GRM8: variants seen among roughly 807,000 people sequenced by gnomAD.
The protein encoded by GRM8 is metabotropic glutamate receptor 8.
In GRM8, 47 loss-of-function variants were observed where a neutral mutation model predicts 87.2. The ratio of observed to expected loss-of-function variants is 0.54; its 90% CI spans 0.43 to 0.69. The LOEUF is 0.69. GRM8 is among the 30% of genes least tolerant of loss of function. The pLI, the probability that GRM8 is intolerant of heterozygous loss-of-function variation, is 0.00. For synonymous variants in GRM8, 396 were observed against 404.5 expected (o/e 0.98, Z 0.25); for missense variants, 1,019 against 1,139.2 (o/e 0.89, Z 1.52).
chr7:126,921,644 T>A (rs1339674938), intron 3 of GRM8, among the ~76,000 whole-genome samples: 1 of 152,058 alleles, frequency 6.6e-6, no homozygotes, highest in African/African-American at 2.4e-5. Context: ...TAATGTGAAG[T>A]CAGAAGAAAA....
chr7:126,523,497 A>G (rs1813315338), intron 9 of GRM8, among the ~76,000 whole-genome samples: 1 of 149,360 alleles, frequency 6.7e-6, no homozygotes, highest in South Asian at 2.1e-4. Context: ...CAGACCTCTC[A>G]ATTTTTTTTT....
Position 127,240,261 on chromosome 7 carries a change from AC to A in GRM8, c.510+2433del, listed in dbSNP as rs78119581. On this transcript the variant is annotated intron_variant, in intron 2 of 10. Coordinates refer to ENST00000339582, the MANE Select transcript of GRM8 (RefSeq NM_000845.3). The stretch of plus-strand genomic sequence containing the variant: ...GATCCCCGCTGCATAAAAACAAAAC[AC>A]CCTCTTGCCTTCAGGTGGCCTGGAG... Among the ~76,000 whole-genome samples, 973 of 151,896 alleles carry A rather than the reference AC, an allele frequency of 6.4e-3. 9 individuals carry two copies. Among genetic ancestry groups the A allele is most frequent in the African/African-American group, 0.023 (932 of 41,388 alleles).
intron 9 of GRM8, among the ~76,000 whole-genome samples, chr7:126,450,981 T>C (rs1316978115): frequency 6.6e-6 from 1 of 151,874 alleles, no homozygotes; most frequent in Non-Finnish European, 1.5e-5. Context: ...GACCCTGTAA[T>C]AGAAGGGCCC....
chr7:127,157,616 A>G (rs973805107), intron 2 of GRM8, among the ~76,000 whole-genome samples: 1 of 152,170 alleles, frequency 6.6e-6, no homozygotes, highest in Non-Finnish European at 1.5e-5. Flanking sequence ...ATTTTGAAGA[A>G]CCACAGCCAA....
intron 2 of GRM8, among the ~76,000 whole-genome samples, chr7:127,197,982 A>C (rs1795381129): frequency 6.6e-6 from 1 of 151,952 alleles, no homozygotes; most frequent in South Asian, 2.1e-4. Flanking sequence ...CTAGATGTGG[A>C]ATCAAAAAAA....
chr7:126,771,922 G>A (rs943911271), intron 6 of GRM8, among the ~76,000 whole-genome samples: 3 of 151,996 alleles, frequency 2.0e-5, no homozygotes, highest in Admixed American at 6.6e-5. Flanking sequence ...ACAAGACATG[G>A]GGACTATGTT....
chr7:126,617,357 G>A (rs1799615101), intron 7 of GRM8, among the ~76,000 whole-genome samples: 1 of 152,148 alleles, frequency 6.6e-6, no homozygotes, highest in African/African-American at 2.4e-5. Context: ...CAGTAAATTA[G>A]GTATTGATGG....
At chr7:126,847,884 C>A (rs908186323) in intron 6 of GRM8, among the ~76,000 whole-genome samples, 1 of 152,222 alleles carries the variant, frequency 6.6e-6, no homozygotes, top group Non-Finnish European at 1.5e-5. Context: ...ACTTTGGGAA[C>A]TAAAATCTGC....
chr7:126,697,428 A>T (rs1178534521), intron 7 of GRM8, among the ~76,000 whole-genome samples: 1 of 152,146 alleles, frequency 6.6e-6, no homozygotes, highest in Non-Finnish European at 1.5e-5. Context: ...GAAGGTAATT[A>T]CGTGACATGA....
intron 6 of GRM8, among the ~76,000 whole-genome samples, chr7:126,876,192 C>T (rs1799512655): frequency 6.6e-6 from 1 of 152,164 alleles, no homozygotes; most frequent in Non-Finnish European, 1.5e-5. Context: ...TGTCTCCTCT[C>T]CCAGAACAAT....
intron 6 of GRM8, among the ~76,000 whole-genome samples, chr7:126,793,007 A>C (rs2151680878): frequency 6.6e-6 from 1 of 152,308 alleles, no homozygotes; most frequent in Admixed American, 6.5e-5. Context: ...AAACTGCAGA[A>C]CACTCTTTTA....
chr7:126,569,300 G>A (rs1405628618), intron 8 of GRM8, among the ~76,000 whole-genome samples: 1 of 152,068 alleles, frequency 6.6e-6, no homozygotes, highest in African/African-American at 2.4e-5. Flanking sequence ...TTAAAATGAA[G>A]CTGGCAAAAG....
intron 9 of GRM8, among the ~76,000 whole-genome samples, chr7:126,509,737 T>C (rs1174760246): frequency 6.6e-6 from 1 of 151,972 alleles, no homozygotes; most frequent in Non-Finnish European, 1.5e-5. Flanking sequence ...ATCAGGACCA[T>C]CTGATTGCAC....
intron 6 of GRM8, among the ~76,000 whole-genome samples, chr7:126,773,900 T>A (rs938052227): frequency 5.3e-5 from 8 of 152,270 alleles, no homozygotes; most frequent in African/African-American, 1.9e-4. Flanking sequence ...ATACACATAA[T>A]CTTATTAAAG....
chr7:126,723,308 G>A (rs548103228), intron 7 of GRM8, among the ~76,000 whole-genome samples: 68 of 152,074 alleles, frequency 4.5e-4, no homozygotes, highest in African/African-American at 1.6e-3. Context: ...CCTATATTTA[G>A]AAATTATGTC....
chr7:127,241,711 A>G (rs1262821776), intron 2 of GRM8, among the ~76,000 whole-genome samples: 1 of 152,214 alleles, frequency 6.6e-6, no homozygotes, highest in East Asian at 1.9e-4. Flanking sequence ...CTGGGATTAC[A>G]GGCGTGAGCC....
chr7:126,972,418 A>AT (rs1478095874), intron 3 of GRM8, among the ~76,000 whole-genome samples: 1 of 152,052 alleles, frequency 6.6e-6, no homozygotes, highest in Non-Finnish European at 1.5e-5. Context: ...TTGGTATATT[A>AT]TTTTTTACAC....
chr7:126,736,885 C>G (rs1352038175), intron 7 of GRM8, among the ~76,000 whole-genome samples: 1 of 152,010 alleles, frequency 6.6e-6, no homozygotes, highest in Non-Finnish European at 1.5e-5. Flanking sequence ...CTAATGATAA[C>G]CTTGAAACCA....
chr7:126,640,875 C>T (rs1585326850), intron 7 of GRM8, among the ~76,000 whole-genome samples: 1 of 151,718 alleles, frequency 6.6e-6, no homozygotes, highest in African/African-American at 2.4e-5. Flanking sequence ...TGCTACCCTT[C>T]TTGCCATATC....
Sources: gnomAD v4.1 joint callset for allele counts (sites outside exome capture counted in the v4.1 genomes callset) on GRCh38, gnomAD v4.1.1 for gene constraint, MANE v1.5 for transcripts, NCBI Gene and HGNC (gene_info 2026-07-23, HGNC 2026-07-21) for gene names.